The following DGCR2 variants were observed in gnomAD, a reference collection of about 807,000 sequenced individuals.
The protein encoded by DGCR2 is DiGeorge syndrome critical region gene 2.
DGCR2 carries 24 observed loss-of-function variants against 51.6 expected under a neutral mutation model. The ratio of observed to expected loss-of-function variants is 0.47; its 90% CI spans 0.34 to 0.65. The LOEUF is 0.65. DGCR2 is among the 30% of genes least tolerant of loss of function. The pLI is 0.01. For missense variants in DGCR2, 765 were observed against 772.1 expected (o/e 0.99, Z 0.11); for synonymous variants, 340 against 315.4 (o/e 1.08, Z -0.82).
chr22:19,079,816 C>T (rs975877341), intron 2 of DGCR2, among the ~76,000 whole-genome samples: 8 of 152,270 alleles, frequency 5.3e-5, no homozygotes, highest in Admixed American at 4.6e-4. Flanking sequence ...CTGGCTGCCT[C>T]AGGCCACTTT....
At chr22:19,099,232 C>T (rs1420002421) in intron 1 of DGCR2, among the ~76,000 whole-genome samples, 1 of 152,174 alleles carries the variant, frequency 6.6e-6, no homozygotes, top group East Asian at 1.9e-4. Flanking sequence ...CACAGCACAC[C>T]AGATGGTGAC....
chr22:19,043,641 C>CA (rs1278240907), intron 7 of DGCR2, among the ~76,000 whole-genome samples: 1 of 152,134 alleles, frequency 6.6e-6, no homozygotes, highest in Non-Finnish European at 1.5e-5. Flanking sequence ...CCCACACCAG[C>CA]AGGGACCCTG....
intron 6 of DGCR2, chr22:19,056,482 G>A (rs937037108): frequency 7.4e-6 from 4 of 542,968 alleles, no homozygotes; most frequent in South Asian, 1.9e-5. Context: ...TGGTGAAGAG[G>A]AAGGGGACCT....
At chr22:19,086,623 T>A (rs1391882098) in intron 2 of DGCR2, among the ~76,000 whole-genome samples, 1 of 152,164 alleles carries the variant, frequency 6.6e-6, no homozygotes, top group African/African-American at 2.4e-5. Context: ...AGAACACTCC[T>A]AGGCCCTACC....
At chr22:19,049,873 G>A (rs2082530911) in intron 6 of DGCR2, among the ~76,000 whole-genome samples, 1 of 151,294 alleles carries the variant, frequency 6.6e-6, no homozygotes, top group South Asian at 2.1e-4. Flanking sequence ...GGTCACCCAT[G>A]TGGTCAGGAA....
chr22:19,076,435 G>A lies in DGCR2; in HGVS notation c.203-8210C>T, dbSNP rs563650799. Among the ~76,000 whole-genome samples, 83 of 152,194 alleles carry A rather than the reference G, an allele frequency of 5.5e-4. 1 individual carries two copies. Among genetic ancestry groups the A allele is most frequent in the Non-Finnish European group, 9.6e-4 (65 of 68,028 alleles). ...CCGCCTCGGCCTCCCAAAGTGCTGG[G>A]ATTACAGGCGTGAGCCACCGCGCCC... On this transcript the variant is annotated intron_variant, in intron 2 of 9. Transcript: ENST00000263196.
intron 2 of DGCR2, among the ~76,000 whole-genome samples, chr22:19,078,101 T>C (rs2082899025): frequency 6.6e-6 from 1 of 152,220 alleles, no homozygotes; most frequent in African/African-American, 2.4e-5. Context: ...AATGCTGGGA[T>C]TACAGGTGTG....
intron 7 of DGCR2, 32 bp downstream of exon 7, chr22:19,048,408 G>C (rs764544364): frequency 6.2e-7 from 1 of 1,611,242 alleles, no homozygotes; most frequent in Non-Finnish European, 8.5e-7. Flanking sequence ...AAATAGGGAG[G>C]CTGACTTGGG....
At chr22:19,054,775 T>C (rs913244093) in intron 6 of DGCR2, among the ~76,000 whole-genome samples, 7 of 147,224 alleles carry the variant, frequency 4.8e-5, no homozygotes, top group African/African-American at 1.5e-4. Context: ...AAGGAGAGTA[T>C]AGAAAAAAAT....
intron 2 of DGCR2, among the ~76,000 whole-genome samples, chr22:19,084,715 G>T (rs1292686188): frequency 4.8e-5 from 5 of 104,106 alleles, no homozygotes; most frequent in African/African-American, 1.3e-4. Context: ...GGAGGGAGGT[G>T]GGGGGTCAGC....
chr22:19,107,050 A>G (rs2146043318), intron 1 of DGCR2, among the ~76,000 whole-genome samples: 1 of 152,294 alleles, frequency 6.6e-6, no homozygotes, highest in South Asian at 2.1e-4. Context: ...AAAATATTTT[A>G]CACCTGCAAA....
chr22:19,067,859 T>G (rs893573941), intron 3 of DGCR2, among the ~76,000 whole-genome samples: 21 of 152,300 alleles, frequency 1.4e-4, no homozygotes, highest in African/African-American at 4.6e-4. Flanking sequence ...AGCAGTCACT[T>G]TGTGAGAACA....
intron 2 of DGCR2, among the ~76,000 whole-genome samples, chr22:19,079,833 G>A (rs1337573567): frequency 2.0e-5 from 3 of 152,232 alleles, no homozygotes; most frequent in African/African-American, 7.2e-5. Flanking sequence ...CTTTGCTGTG[G>A]CCCTTCTGGT....
chr22:19,041,362 G>GC, intron 8 of DGCR2, 68 bp from the exon 9 acceptor site: 2 of 1,500,490 alleles, frequency 1.3e-6, no homozygotes, highest in Non-Finnish European at 9.2e-7. Flanking sequence ...TGGCTCCTGA[G>GC]CCCCCCACCC....
rs189557949 is a variant in DGCR2, at chr22:19,062,867, T to C, written c.625+335A>G. ...ACGTCTGACCTTTGTCCTGGCAAGC[T>C]TGTCCTCCCCTCCAGCCTGCCAGGG... On this transcript the variant is annotated intron_variant, in intron 5 of 9. Transcript: ENST00000263196. 3.2e-3 allele frequency among the ~76,000 whole-genome samples: 477 copies of C among 151,128 alleles called. 2 individuals carry two copies. Among genetic ancestry groups the C allele is most frequent in the Non-Finnish European group, 5.9e-3 (397 of 67,426 alleles).
chr22:19,073,592 T>C (rs1161502089), intron 2 of DGCR2, among the ~76,000 whole-genome samples: 1 of 152,192 alleles, frequency 6.6e-6, no homozygotes, highest in Non-Finnish European at 1.5e-5. Context: ...AGAAAACAAG[T>C]TATGTTCAAA....
At chr22:19,066,647 G>A (rs73158808) in intron 3 of DGCR2, among the ~76,000 whole-genome samples, 1 of 152,098 alleles carries the variant, frequency 6.6e-6, no homozygotes, top group South Asian at 2.1e-4. Context: ...AGGAAGCCCT[G>A]TAGGGAGGGA....
intron 6 of DGCR2, chr22:19,056,554 T>TA (rs57447746): frequency 0.041 from 10,130 of 246,152 alleles, 17 homozygotes; most frequent in Admixed American, 0.066. Flanking sequence ...CTGGCTTTAA[T>TA]AAAAAAAAAA....
chr22:19,062,779 A>ACTCTCTCTATCTCTCT (rs2082688964), intron 5 of DGCR2, among the ~76,000 whole-genome samples: 1 of 127,458 alleles, frequency 7.8e-6, no homozygotes. Context: ...ATGCATGCTC[A>ACTCTCTCTATCTCTCT]CTCTCTCTCT....
Sources: allele counts gnomAD v4.1 joint callset (sites outside exome capture counted in the v4.1 genomes callset), GRCh38; gene constraint gnomAD v4.1.1; transcripts MANE v1.5; gene names NCBI Gene and HGNC (gene_info 2026-07-23, HGNC 2026-07-21).